The following KCNC2 variants were observed in gnomAD, a reference collection of about 807,000 sequenced individuals.
KCNC2 encodes voltage-gated potassium channel KCNC2.
Under a neutral mutation model 44.5 loss-of-function variants are expected in KCNC2, and 21 were observed. The observed-to-expected ratio is 0.47, with a 90% CI of 0.33 to 0.68. KCNC2 has a LOEUF of 0.68. Among genes scored for constraint, KCNC2 ranks in the 30% least tolerant of loss-of-function variants. The probability of loss-of-function intolerance (pLI) is 0.01; values close to 1 mark genes in which losing one functional copy is unlikely to be tolerated. For missense variants in KCNC2, 589 were observed against 826.2 expected (o/e 0.71, Z 3.52); for synonymous variants, 391 against 339.1 (o/e 1.15, Z -1.68).
chr12:75,112,086 G>A (rs888539641), intron 2 of KCNC2, among the ~76,000 whole-genome samples: 2 of 151,628 alleles, frequency 1.3e-5, no homozygotes, highest in African/African-American at 2.4e-5. Flanking sequence ...AATACAAAAT[G>A]TCTGTTACAA....
chr12:75,187,133 AAGAT>A (rs1893007863), intron 2 of KCNC2, among the ~76,000 whole-genome samples: 1 of 152,220 alleles, frequency 6.6e-6, no homozygotes, highest in Non-Finnish European at 1.5e-5. Flanking sequence ...ACAAATTTGG[AAGAT>A]AAGCACTTTC....
intron 2 of KCNC2, among the ~76,000 whole-genome samples, chr12:75,158,855 G>A (rs1890931957): frequency 6.6e-6 from 1 of 151,854 alleles, no homozygotes; most frequent in African/African-American, 2.4e-5. Flanking sequence ...AAGTTATAGA[G>A]TCAATACTGA....
In KCNC2 at chr12:75,040,978, A is replaced by G; in HGVS notation, c.*2127T>C. On this transcript the variant is annotated 3_prime_UTR_variant, in exon 5 of 5. Coordinates refer to ENST00000549446, the MANE Select transcript of KCNC2 (RefSeq NM_139137.4). ...TACAGTTGTTTCATGGACACTGGCC[A>G]GTCTACAAGCAGAGCACTCTCATGG... 1 of 707,036 alleles carries G rather than the reference A, an allele frequency of 1.4e-6. No individual in the cohort carries two copies. The highest frequency in any genetic ancestry group is 2.5e-6 in the Non-Finnish European group (1 of 406,548). 43.8% of individuals were successfully genotyped at this position (707,036 alleles called of 1,614,324 possible).
At chr12:75,170,741 A>T (rs540128631) in intron 2 of KCNC2, among the ~76,000 whole-genome samples, 1 of 151,696 alleles carries the variant, frequency 6.6e-6, no homozygotes, top group Admixed American at 6.6e-5. Context: ...AGAGATGTTA[A>T]CTTTTGTCAA....
chr12:75,091,161 A>C (rs1055704364), intron 2 of KCNC2, among the ~76,000 whole-genome samples: 6 of 151,726 alleles, frequency 4.0e-5, no homozygotes, highest in Admixed American at 2.0e-4. Context: ...TTACAATACC[A>C]AAGCTACTCA....
chr12:75,057,619 G>A (rs559485743), intron 2 of KCNC2, among the ~76,000 whole-genome samples: 10 of 151,458 alleles, frequency 6.6e-5, no homozygotes, highest in African/African-American at 2.2e-4. Flanking sequence ...TTAGACTTCA[G>A]GTGTCTATAT....
rs1415970339 is a variant in KCNC2, at chr12:75,105,556, T to A, written c.688-54239A>T. On this transcript the variant is annotated intron_variant, in intron 2 of 4. Coordinates refer to ENST00000549446, the MANE Select transcript of KCNC2 (RefSeq NM_139137.4). Reference sequence around the variant, plus strand: ...AAAGCTACATCTGAACAAGTACTGGTGAAATGATATGGGCTTGGACTTGGG... The same window carrying A: ...AAAGCTACATCTGAACAAGTACTGGAGAAATGATATGGGCTTGGACTTGGG... Among the ~76,000 whole-genome samples, 3 of 152,286 alleles carry A rather than the reference T, an allele frequency of 2.0e-5. No homozygotes were observed. The South Asian group carries it at 6.2e-4, about 32-fold the overall frequency.
intron 2 of KCNC2, among the ~76,000 whole-genome samples, chr12:75,202,579 A>T (rs1294512488): frequency 6.6e-6 from 1 of 151,806 alleles, no homozygotes; most frequent in African/African-American, 2.4e-5. Flanking sequence ...AATGAAAGAA[A>T]CTTGGCCACA....
At position 75,040,805 on chromosome 12, in the gene KCNC2, A is replaced by G; in HGVS notation, c.*2300T>C. The G allele has an allele frequency of 3.0e-6, 1 of 333,496 alleles. No homozygotes were observed. The highest frequency in any genetic ancestry group is 5.6e-6 in the Non-Finnish European group (1 of 177,900). The allele number at this position is 333,496 out of a possible 1,614,324, so 20.7% of individuals were successfully genotyped here. A position where few individuals can be genotyped will look rare whatever the true frequency, so the allele number is the denominator to read the frequency against. On this transcript the variant is annotated 3_prime_UTR_variant, in exon 5 of 5. Coordinates refer to ENST00000549446, the MANE Select transcript of KCNC2 (RefSeq NM_139137.4). Reference sequence around the variant, plus strand: ...TACATCAGTATCACTGCCTTAAGTAATTCACAGCACAACCTAATGTGGGCC... The same window carrying G: ...TACATCAGTATCACTGCCTTAAGTAGTTCACAGCACAACCTAATGTGGGCC...
intron 2 of KCNC2, among the ~76,000 whole-genome samples, chr12:75,169,502 T>C (rs190465747): frequency 1.3e-5 from 2 of 151,698 alleles, no homozygotes; most frequent in Admixed American, 6.6e-5. Context: ...GGTTGTATAA[T>C]AAGATTACTA....
intron 2 of KCNC2, among the ~76,000 whole-genome samples, chr12:75,204,448 T>C (rs2031525273): frequency 6.6e-6 from 1 of 151,898 alleles, no homozygotes; most frequent in Admixed American, 6.6e-5. Context: ...CCTTTCAATA[T>C]TGGAGAAAAA....
intron 4 of KCNC2, among the ~76,000 whole-genome samples, chr12:75,045,961 A>T (rs759879044): frequency 4.0e-5 from 6 of 151,846 alleles, no homozygotes; most frequent in African/African-American, 7.2e-5. Flanking sequence ...GATTATATAG[A>T]AAATAAATGA....
chr12:75,162,094 A>T (rs1450930190), intron 2 of KCNC2, among the ~76,000 whole-genome samples: 1 of 151,674 alleles, frequency 6.6e-6, no homozygotes, highest in East Asian at 2.0e-4. Context: ...CTGTAGTCAC[A>T]TTCTCATTTT....
At chr12:75,125,880 A>G (rs548264364) in intron 2 of KCNC2, among the ~76,000 whole-genome samples, 4 of 152,260 alleles carry the variant, frequency 2.6e-5, no homozygotes, top group South Asian at 4.1e-4. Context: ...GGGCTCTCTC[A>G]CCTAGGCTCA....
chr12:75,103,854 A>G (rs916088045), intron 2 of KCNC2, among the ~76,000 whole-genome samples: 1 of 152,202 alleles, frequency 6.6e-6, no homozygotes, highest in East Asian at 1.9e-4. Flanking sequence ...CTGTAATAAA[A>G]GCTATGTGAA....
intron 2 of KCNC2, among the ~76,000 whole-genome samples, chr12:75,068,345 A>T (rs555759835): frequency 1.3e-5 from 2 of 152,322 alleles, no homozygotes; most frequent in South Asian, 4.1e-4. Context: ...GGGAGAAAAG[A>T]CTAAATAGAA....
At chr12:75,178,281 T>C (rs944768350) in intron 2 of KCNC2, among the ~76,000 whole-genome samples, 22 of 151,990 alleles carry the variant, frequency 1.4e-4, no homozygotes, top group African/African-American at 5.3e-4. Context: ...ATGCATAGAT[T>C]TACTAGCTGT....
chr12:75,206,945 G>C (rs1217362548), intron 2 of KCNC2, among the ~76,000 whole-genome samples: 1 of 152,188 alleles, frequency 6.6e-6, no homozygotes. Context: ...TAAAGGAAAA[G>C]TTAGAACAAA....
chr12:75,165,224 T>C (rs1424988522), intron 2 of KCNC2, among the ~76,000 whole-genome samples: 19 of 151,588 alleles, frequency 1.3e-4, no homozygotes, highest in Non-Finnish European at 1.5e-5. Flanking sequence ...AGCATACAAA[T>C]GCATAACTTT....
Sources: gnomAD v4.1 joint callset for allele counts (sites outside exome capture counted in the v4.1 genomes callset) on GRCh38, gnomAD v4.1.1 for gene constraint, MANE v1.5 for transcripts, NCBI Gene and HGNC (gene_info 2026-07-23, HGNC 2026-07-21) for gene names.